BCLAF1: variants seen among roughly 807,000 people sequenced by gnomAD.
BCLAF1 encodes the protein bcl-2-associated transcription factor 1.
A neutral mutation model predicts 99.5 loss-of-function variants in BCLAF1; 10 were observed. The ratio of observed to expected loss-of-function variants is 0.10; its 90% confidence interval spans 0.06 to 0.17. The LOEUF (loss-of-function observed/expected upper bound fraction) is 0.17, where lower values mean the gene tolerates loss of function less well. Ranked by LOEUF, BCLAF1 falls within the 10% of genes least tolerant of loss-of-function variation. BCLAF1 has a pLI of 1.00. For missense variants in BCLAF1, 636 were observed against 1,105.8 expected (o/e 0.58, Z 6.02); for synonymous variants, 255 against 370.9 (o/e 0.69, Z 3.59).
intron 1 of BCLAF1, among the ~76,000 whole-genome samples, chr6:136,288,014 C>G (rs1313649512): frequency 1.3e-5 from 2 of 152,180 alleles, no homozygotes; most frequent in Non-Finnish European, 2.9e-5. Flanking sequence ...AGCGACATTC[C>G]GTCTCAAGAA....
In BCLAF1 at chr6:136,269,534, G is replaced by A. The variant is rs749172270; in HGVS notation, c.2122C>T (p.Arg708Trp). The change falls in exon 9 of 13, where the codon CGG (arginine) becomes TGG (tryptophan). Residue 708 changes from arginine (R) to tryptophan (W), a missense_variant. Physicochemically the swap from Arg to Trp is moderately radical, Grantham distance 101. Transcript: ENST00000531224. ...DRRRKERSKE[R>W]GDSKGSRESS... The stretch of plus-strand genomic sequence containing the variant: ...TCCCTGGAGCCCTTGGAATCTCCCC[G>A]TTCTTTACTTCTTTCTTTTCTACGG... 3.1e-6 allele frequency: 5 copies of A among 1,612,334 alleles called. No individual in the cohort carries two copies. The highest frequency in any genetic ancestry group is 1.7e-4 in the Middle Eastern group (1 of 6,056).
rs1388816790 is a variant in BCLAF1, at chr6:136,257,439, T to C, written c.*3671A>G. The C allele has an allele frequency of 6.6e-6, 1 of 152,146 alleles. No individual in the cohort carries two copies. The highest frequency in any genetic ancestry group is 2.4e-5 in the African/African-American group (1 of 41,430). The allele number at this position is 152,146 out of a possible 1,614,324, so 9.4% of individuals were successfully genotyped here. The stretch of plus-strand genomic sequence containing the variant: ...GACACAAGTTAATCATTACTGCATG[T>C]TTCTAAAACAATAGGAGTCCAGCTC... On this transcript the variant is annotated 3_prime_UTR_variant, in exon 13 of 13. Transcript: ENST00000531224.
chr6:136,264,298 T>G (rs972067895), intron 11 of BCLAF1, among the ~76,000 whole-genome samples: 1 of 151,990 alleles, frequency 6.6e-6, no homozygotes, highest in Non-Finnish European at 1.5e-5. Flanking sequence ...CCTCCACCAC[T>G]TGGGTTCAAG....
At chr6:136,261,552 A>G in intron 11 of BCLAF1, 75 bp from the exon 12 acceptor site, 1 of 1,432,852 alleles carries the variant, frequency 7.0e-7, no homozygotes, top group Non-Finnish European at 9.6e-7. Context: ...CATAAATCAC[A>G]GTATTAATCT....
At chr6:136,285,329 A>G (rs1784988479) in intron 1 of BCLAF1, among the ~76,000 whole-genome samples, 1 of 152,230 alleles carries the variant, frequency 6.6e-6, no homozygotes. Flanking sequence ...AAAAATGAAA[A>G]ATCACTAGTG....
intron 2 of BCLAF1, among the ~76,000 whole-genome samples, chr6:136,281,063 A>T (rs180976064): frequency 4.6e-5 from 7 of 152,300 alleles, no homozygotes; most frequent in Admixed American, 3.9e-4. Context: ...GTTATAGAAG[A>T]AGTAATGGTA....
intron 2 of BCLAF1, among the ~76,000 whole-genome samples, chr6:136,280,240 A>AAAT (rs1250831446): frequency 6.6e-6 from 1 of 152,232 alleles, no homozygotes; most frequent in Admixed American, 6.5e-5. Flanking sequence ...TAAGAAAGAT[A>AAAT]AATAATAAAG....
At chr6:136,277,178 T>A (rs1783546180) in intron 4 of BCLAF1, among the ~76,000 whole-genome samples, 1 of 152,232 alleles carries the variant, frequency 6.6e-6, no homozygotes, top group South Asian at 2.1e-4. Context: ...TCAGCAACAC[T>A]TGAAATCAGA....
intron 4 of BCLAF1, 100 bp downstream of exon 4, chr6:136,277,765 G>T: frequency 1.6e-6 from 2 of 1,283,128 alleles, no homozygotes; most frequent in Non-Finnish European, 2.1e-6. Context: ...AGTAAAAACC[G>T]CTAGTTAAAT....
chr6:136,276,491 G>A lies in BCLAF1; in HGVS notation c.1034C>T (p.Ser345Phe), dbSNP rs746641017. 5 of 1,576,736 alleles carry A rather than the reference G, an allele frequency of 3.2e-6. No homozygotes were observed. In the African/African-American group the frequency reaches 4.1e-5, roughly 13 times the overall value. Residue 345 changes from serine to phenylalanine, a missense_variant, in exon 5 of 13, where the codon TCT becomes TTT. Around this residue, in one of 9 missense-constraint regions of BCLAF1, gnomAD observed 186 missense variants for 275.3 expected, o/e 0.68. Transcript: ENST00000531224. Reference protein sequence around the residue: ...KFLKRFTDEESRVFLLDRGNT... With the variant: ...KFLKRFTDEEFRVFLLDRGNT... ...ACCCCTATCAAGCAGGAATACTCTA[G>A]ACTCTTCATCTGTGAACCTGCGAAT...
Position 136,266,958 on chromosome 6 carries a change from C to T in BCLAF1, c.2544+71G>A, listed in dbSNP as rs956468943. 30 of 1,534,544 alleles carry T rather than the reference C, an allele frequency of 2.0e-5. No homozygotes were observed. The Admixed American group carries it at 5.3e-4, about 27-fold the overall frequency. ...CTTCTTATAGTAGTGGTTATCTGTA[C>T]TCAAATTTATTCACCTAGTATGCTT... On this transcript the variant is annotated intron_variant, in intron 11 of 12. Transcript: ENST00000531224.
chr6:136,279,616 G>C, intron 3 of BCLAF1, 147 bp downstream of exon 3: 1 of 849,652 alleles, frequency 1.2e-6, no homozygotes, highest in Non-Finnish European at 1.5e-6. Flanking sequence ...TCATTTTCTC[G>C]CTTACAATAA....
rs774410839 is a variant in BCLAF1, at chr6:136,261,297, C to T, written c.2725G>A (p.Glu909Lys). 6.2e-7 allele frequency: 1 copy of T among 1,613,486 alleles called. No individual in the cohort carries two copies. The highest frequency in any genetic ancestry group is 1.7e-5 in the Admixed American group (1 of 59,938). The change falls in exon 12 of 13, where the codon GAA becomes AAA. Residue 909 changes from glutamate (E) to lysine (K), a missense_variant. Glu to Lys is a moderately conservative substitution (Grantham distance 56). This residue lies in a region of BCLAF1 where 57 missense variants were observed against 116.7 expected (regional missense o/e 0.49). Coordinates refer to ENST00000531224, the MANE Select transcript of BCLAF1 (RefSeq NM_014739.3). ...TCCTTGCGTCTGTCCTTCTTTTCTT[C>T]ATTATTTTCCATGGTCTCTTCTTCA... ...EDEEETMENN[E>K]EKKDRRKEEK...
chr6:136,289,333 G>GA (rs984287880), intron 1 of BCLAF1, among the ~76,000 whole-genome samples: 5 of 152,248 alleles, frequency 3.3e-5, no homozygotes, highest in East Asian at 1.9e-4. Flanking sequence ...GCGGGGGAGA[G>GA]AAAAATGAAC....
chr6:136,289,418 A>G (rs1400436623), intron 1 of BCLAF1, among the ~76,000 whole-genome samples: 1 of 152,058 alleles, frequency 6.6e-6, no homozygotes, highest in Non-Finnish European at 1.5e-5. Context: ...AGGGTGGAAG[A>G]GGAAGATATG....
intron 2 of BCLAF1, among the ~76,000 whole-genome samples, chr6:136,281,153 C>T (rs902112898): frequency 6.6e-6 from 1 of 152,088 alleles, no homozygotes; most frequent in Non-Finnish European, 1.5e-5. Context: ...CAAAATAAAA[C>T]ATAACTATCC....
chr6:136,259,525 G>A lies in BCLAF1; in HGVS notation c.*1585C>T, dbSNP rs1780722971. The A allele has an allele frequency of 6.6e-6, 1 of 152,006 alleles. No homozygotes were observed. Among genetic ancestry groups the A allele is most frequent in the Non-Finnish European group, 1.5e-5 (1 of 67,922 alleles). The allele number at this position is 152,006 out of a possible 1,614,324, so 9.4% of individuals were successfully genotyped here. A position where few individuals can be genotyped will look rare whatever the true frequency, so the allele number is the denominator to read the frequency against. On this transcript the variant is annotated 3_prime_UTR_variant, in exon 13 of 13. Coordinates refer to ENST00000531224, the MANE Select transcript of BCLAF1 (RefSeq NM_014739.3). ...ATGCAATACATACTTCCTTTGGCAG[G>A]TATTTCCTCTGCTTTAATAGACAAT...
In BCLAF1 at chr6:136,269,426, T is replaced by G; in HGVS notation, c.2219+11A>C. 1 of 1,601,958 alleles carries G rather than the reference T, an allele frequency of 6.2e-7. No homozygotes were observed. Among genetic ancestry groups the G allele is most frequent in the Non-Finnish European group, 8.5e-7 (1 of 1,175,310 alleles). ...AAGCTAAAACCTATCTTAGTCAGTT[T>G]GAACAATTACCTGTCATCTTTGTAA... On this transcript the variant is annotated intron_variant, in intron 9 of 12. Transcript: ENST00000531224.
intron 1 of BCLAF1, among the ~76,000 whole-genome samples, chr6:136,284,959 TCA>T (rs1489095575): frequency 1.3e-5 from 2 of 152,060 alleles, no homozygotes; most frequent in Non-Finnish European, 2.9e-5. Context: ...CTGCAAAGAT[TCA>T]CAGAGGGAAG....
Sources: gnomAD v4.1 joint callset for allele counts (sites outside exome capture counted in the v4.1 genomes callset) on GRCh38, gnomAD v4.1.1 for gene constraint, gnomAD v4.1.1 regional missense constraint, MANE v1.5 for transcripts, NCBI Gene and HGNC (gene_info 2026-07-23, HGNC 2026-07-21) for gene names.